ASIC2: variants seen among roughly 807,000 people sequenced by gnomAD.
ASIC2 encodes the protein acid sensing ion channel subunit 2, also known as acid-sensing ion channel 2.
In ASIC2, 25 loss-of-function variants were observed where a neutral mutation model predicts 57.3. The observed-to-expected ratio is 0.44, with a 90% CI of 0.32 to 0.61. ASIC2 has a LOEUF of 0.61. ASIC2 is among the 20% of genes least tolerant of loss of function. ASIC2 has a pLI of 0.06. For missense variants in ASIC2, 641 were observed against 738.1 expected (o/e 0.87, Z 1.52); for synonymous variants, 319 against 307.5 (o/e 1.04, Z -0.39).
chr17:33,184,617 A>T (rs901842973), intron 1 of ASIC2, among the ~76,000 whole-genome samples: 1 of 152,108 alleles, frequency 6.6e-6, no homozygotes, highest in African/African-American at 2.4e-5. Context: ...GTTTCATCTG[A>T]AGCCTGAAAC....
At chr17:33,933,518 G>A (rs1915990645) in intron 1 of ASIC2, among the ~76,000 whole-genome samples, 2 of 152,236 alleles carry the variant, frequency 1.3e-5, no homozygotes, top group South Asian at 4.1e-4. Context: ...GTGAGTACGG[G>A]ACAGAGCAGG....
intron 1 of ASIC2, among the ~76,000 whole-genome samples, chr17:33,532,433 C>A (rs1375957456): frequency 6.6e-6 from 1 of 152,190 alleles, no homozygotes; most frequent in African/African-American, 2.4e-5. Flanking sequence ...CTTCTACTTC[C>A]AGGACTGGGT....
chr17:33,205,769 C>T (rs1314585666), intron 1 of ASIC2, among the ~76,000 whole-genome samples: 2 of 152,168 alleles, frequency 1.3e-5, no homozygotes, highest in Non-Finnish European at 2.9e-5. Flanking sequence ...CCAGAGCTCC[C>T]GGCATGCCGC....
Position 33,401,800 on chromosome 17 carries a change from T to A in ASIC2, c.556-289733A>T, listed in dbSNP as rs113524146. ...GACACAACACTTAATAAACAGGACT[T>A]GGCAGGCCTGGAAAGGAGAGAGCAG... On this transcript the variant is annotated intron_variant, in intron 1 of 9. Transcript: ENST00000359872. 2.6e-3 allele frequency among the ~76,000 whole-genome samples: 390 copies of A among 152,236 alleles called. 2 individuals are homozygous for A. The highest frequency in any genetic ancestry group is 9.0e-3 in the African/African-American group (375 of 41,552).
chr17:33,978,226 T>C (rs1905466981), intron 1 of ASIC2, among the ~76,000 whole-genome samples: 1 of 152,212 alleles, frequency 6.6e-6, no homozygotes, highest in South Asian at 2.1e-4. Flanking sequence ...CCCTAGCTGC[T>C]AGAAGCCTCA....
At chr17:33,933,739 A>G (rs1424083785) in intron 1 of ASIC2, among the ~76,000 whole-genome samples, 1 of 152,236 alleles carries the variant, frequency 6.6e-6, no homozygotes, top group Non-Finnish European at 1.5e-5. Flanking sequence ...GATTAAAAGG[A>G]AAGAGCAGGT....
At chr17:33,247,943 A>G (rs904720778) in intron 1 of ASIC2, among the ~76,000 whole-genome samples, 2 of 152,252 alleles carry the variant, frequency 1.3e-5, no homozygotes, top group African/African-American at 4.8e-5. Context: ...GCCAGAAAAC[A>G]ATGAACATAA....
intron 1 of ASIC2, among the ~76,000 whole-genome samples, chr17:33,135,142 G>A (rs1399556138): frequency 6.6e-6 from 1 of 152,104 alleles, no homozygotes; most frequent in South Asian, 2.1e-4. Flanking sequence ...AGTTCATTCC[G>A]CTTAGCCCTG....
upstream of ASIC2, among the ~76,000 whole-genome samples, chr17:33,294,893 C>A (rs1905662253): frequency 6.6e-6 from 1 of 150,906 alleles, no homozygotes; most frequent in South Asian, 2.1e-4. Context: ...AAGCTGCCTG[C>A]TGTACTGGGG....
At chr17:33,214,048 G>A (rs1316730370) in intron 1 of ASIC2, among the ~76,000 whole-genome samples, 2 of 90,384 alleles carry the variant, frequency 2.2e-5, no homozygotes, top group African/African-American at 3.3e-5. Context: ...TGGTTGTTCT[G>A]CCAAGTGTGG....
At chr17:34,023,294 A>G (rs1597978795) in intron 1 of ASIC2, among the ~76,000 whole-genome samples, 1 of 151,690 alleles carries the variant, frequency 6.6e-6, no homozygotes, top group East Asian at 1.9e-4. Context: ...TTTCCTAAGT[A>G]ATTCTTGGCT....
chr17:34,132,410 AGC>A (rs1912009860), intron 1 of ASIC2, among the ~76,000 whole-genome samples: 1 of 151,538 alleles, frequency 6.6e-6, no homozygotes, highest in African/African-American at 2.4e-5. Context: ...ATGGAGTGCG[AGC>A]CGGGTGGAGG....
intron 2 of ASIC2, 119 bp from the exon 3 acceptor site, chr17:33,089,109 C>T (rs554398146): frequency 2.2e-6 from 3 of 1,358,462 alleles, no homozygotes; most frequent in African/African-American, 1.5e-5. Context: ...AATAATGGCC[C>T]CCAAAGGTGT....
intron 1 of ASIC2, among the ~76,000 whole-genome samples, chr17:33,754,816 G>C (rs997289486): frequency 6.6e-6 from 1 of 151,960 alleles, no homozygotes; most frequent in Non-Finnish European, 1.5e-5. Flanking sequence ...AAGTTAGCCA[G>C]GCATGGTGGC....
chr17:33,988,644 C>T (rs547775294), intron 1 of ASIC2, among the ~76,000 whole-genome samples: 64 of 152,070 alleles, frequency 4.2e-4, no homozygotes, highest in African/African-American at 1.5e-3. Flanking sequence ...GCTTGCCTTT[C>T]CTCCAGGGGC....
At chr17:33,935,807 G>T (rs1481235557) in intron 1 of ASIC2, 2 of 152,220 alleles carry the variant, frequency 1.3e-5, no homozygotes, top group Non-Finnish European at 1.5e-5. Flanking sequence ...CACAAAAAGG[G>T]ATACTGAATT....
chr17:34,065,865 T>G (rs530689310), intron 1 of ASIC2, among the ~76,000 whole-genome samples: 1 of 152,248 alleles, frequency 6.6e-6, no homozygotes, highest in East Asian at 1.9e-4. Context: ...TCCCAAGTGG[T>G]AAAAATAATG....
chr17:34,137,434 T>C (rs905173247), intron 1 of ASIC2, among the ~76,000 whole-genome samples: 1 of 152,224 alleles, frequency 6.6e-6, no homozygotes, highest in African/African-American at 2.4e-5. Context: ...CCACATTCCA[T>C]GTTAATTCTC....
In ASIC2 at chr17:33,368,767, T is replaced by C. The variant is rs367592920; in HGVS notation, c.556-256700A>G. On this transcript the variant is annotated intron_variant, in intron 1 of 9. Transcript: ENST00000359872. ...ACCATCTTTCCTCTCTCCTCACCAA[T>C]GATGGAGGTTCTGCTGCTTCTGCTG... Among the ~76,000 whole-genome samples, 8 of 152,290 alleles carry C rather than the reference T, an allele frequency of 5.3e-5. No individual in the cohort carries two copies. The East Asian group carries it at 1.2e-3, about 22-fold the overall frequency.
Sources: allele counts gnomAD v4.1 joint callset (sites outside exome capture counted in the v4.1 genomes callset), GRCh38; gene constraint gnomAD v4.1.1; transcripts MANE v1.5; gene names NCBI Gene and HGNC (gene_info 2026-07-23, HGNC 2026-07-21).